The following PDE4D variants were observed in gnomAD, a reference collection of about 807,000 sequenced individuals.
The protein encoded by PDE4D is 3',5'-cyclic-AMP phosphodiesterase 4D.
In PDE4D, 24 loss-of-function variants were observed where a neutral mutation model predicts 87.4. That is an observed-to-expected ratio of 0.27 (90% CI 0.20 to 0.39). The LOEUF (loss-of-function observed/expected upper bound fraction) is 0.39. Ranked by LOEUF, PDE4D falls within the 10% of genes least tolerant of loss-of-function variation. The pLI, the probability that PDE4D is intolerant of heterozygous loss-of-function variation, is 1.00. For missense variants in PDE4D, 714 were observed against 1,041.0 expected, an observed-to-expected ratio of 0.69 and a Z score of 4.32; for synonymous variants, 384 against 383.2, an observed-to-expected ratio of 1.00 and a Z score of -0.02.
chr5:59,244,668 ATGTGTGTG>A (rs1162437569), intron 1 of PDE4D, among the ~76,000 whole-genome samples: 1 of 107,040 alleles, frequency 9.3e-6, no homozygotes, highest in East Asian at 2.9e-4. Flanking sequence ...ATATGTATGT[ATGTGTGTG>A]TGTCTGTGTG....
chr5:60,421,388 C>A (rs1394686814), intron 1 of PDE4D, among the ~76,000 whole-genome samples: 2 of 152,144 alleles, frequency 1.3e-5, no homozygotes, highest in Non-Finnish European at 2.9e-5. Context: ...ACTGGTGATA[C>A]CCAGGCAAAT....
At chr5:59,236,367 A>T (rs998491609) in intron 1 of PDE4D, among the ~76,000 whole-genome samples, 1 of 152,120 alleles carries the variant, frequency 6.6e-6, no homozygotes, top group South Asian at 2.1e-4. Flanking sequence ...AAGTAAAGAG[A>T]TTGTCCTTTT....
chr5:59,996,754 G>A lies in PDE4D; in HGVS notation c.43-8037C>T, dbSNP rs570712772. Among the ~76,000 whole-genome samples, 281 of 152,146 alleles carry A rather than the reference G, an allele frequency of 1.8e-3. 6 individuals carry two copies. Among genetic ancestry groups the A allele is most frequent in the Admixed American group, 0.017 (256 of 15,286 alleles). ...TTAATATAGAAAAGGGCATTGTATCGACTTAACACAATCAATTTTCAAATG... is the reference window on the plus strand; with the variant it reads ...TTAATATAGAAAAGGGCATTGTATCAACTTAACACAATCAATTTTCAAATG... On this transcript the variant is annotated intron_variant, in intron 2 of 16. Transcript: ENST00000502484.
chr5:60,283,556 T>C (rs972813244), intron 1 of PDE4D, among the ~76,000 whole-genome samples: 13 of 152,292 alleles, frequency 8.5e-5, no homozygotes, highest in African/African-American at 2.9e-4. Context: ...GTAACATTTT[T>C]CCCAAATATG....
At chr5:59,988,538 G>T in exon 3 of PDE4D, 1 of 1,599,348 alleles carries the variant, frequency 6.3e-7, no homozygotes, top group Non-Finnish European at 8.5e-7. Context: ...TCTTCAGGGG[G>T]AGGCTGGTTG....
chr5:59,397,187 CA>C (rs1330681202), intron 1 of PDE4D, among the ~76,000 whole-genome samples: 1 of 116,702 alleles, frequency 8.6e-6, no homozygotes, highest in African/African-American at 3.5e-5. Context: ...AGAAAGTCAA[CA>C]AGGATACCCA....
intron 2 of PDE4D, among the ~76,000 whole-genome samples, chr5:60,017,982 C>A (rs911772695): frequency 6.6e-6 from 1 of 152,036 alleles, no homozygotes; most frequent in African/African-American, 2.4e-5. Flanking sequence ...TTTTAATAAT[C>A]GCAATTCTGA....
intron 1 of PDE4D, among the ~76,000 whole-genome samples, chr5:60,465,116 A>T (rs113616265): frequency 6.6e-6 from 1 of 151,862 alleles, no homozygotes; most frequent in Non-Finnish European, 1.5e-5. Context: ...TTAAAAAAAT[A>T]AATAAATAAA....
intron 1 of PDE4D, among the ~76,000 whole-genome samples, chr5:60,512,463 T>G (rs1750620402): frequency 6.6e-6 from 1 of 152,154 alleles, no homozygotes; most frequent in Non-Finnish European, 1.5e-5. Flanking sequence ...TAAAAATACT[T>G]TATACTAAAT....
intron 5 of PDE4D, among the ~76,000 whole-genome samples, chr5:59,045,291 C>T (rs920916937): frequency 6.6e-6 from 1 of 152,140 alleles, no homozygotes; most frequent in East Asian, 1.9e-4. Flanking sequence ...TGGTGGCTCA[C>T]GCCTGTAATC....
chr5:60,269,855 G>C (rs1325528446), intron 1 of PDE4D, among the ~76,000 whole-genome samples: 1 of 152,124 alleles, frequency 6.6e-6, no homozygotes, highest in East Asian at 1.9e-4. Flanking sequence ...TCTTAATAAA[G>C]CTGGAAGCAG....
chr5:59,703,616 C>T (rs760061409), intron 1 of PDE4D: 7 of 534,430 alleles, frequency 1.3e-5, no homozygotes, highest in South Asian at 5.6e-5. Context: ...AATGTTTCTA[C>T]TTTGCACCCT....
At chr5:59,057,717 T>C (rs1762562184) in intron 5 of PDE4D, among the ~76,000 whole-genome samples, 1 of 152,190 alleles carries the variant, frequency 6.6e-6, no homozygotes, top group Non-Finnish European at 1.5e-5. Flanking sequence ...CCAGACATCC[T>C]AAATCTCTGT....
chr5:60,334,042 A>T (rs1189035034), intron 1 of PDE4D, among the ~76,000 whole-genome samples: 2 of 152,200 alleles, frequency 1.3e-5, no homozygotes, highest in East Asian at 3.8e-4. Flanking sequence ...ATCAATCAAC[A>T]CACAGCTTTG....
intron 2 of PDE4D, among the ~76,000 whole-genome samples, chr5:60,071,323 C>A (rs1012684831): frequency 4.6e-5 from 7 of 151,860 alleles, no homozygotes; most frequent in African/African-American, 7.3e-5. Context: ...ATTTCTTTAG[C>A]AAATGGGATG....
At chr5:59,908,186 G>T (rs767695710) in intron 3 of PDE4D, among the ~76,000 whole-genome samples, 1 of 151,984 alleles carries the variant, frequency 6.6e-6, no homozygotes, top group Non-Finnish European at 1.5e-5. Context: ...AACATTTCCA[G>T]TTCCTAATTT....
intron 2 of PDE4D, among the ~76,000 whole-genome samples, chr5:60,101,069 TG>T (rs1340553831): frequency 6.6e-6 from 1 of 152,062 alleles, no homozygotes; most frequent in East Asian, 1.9e-4. Flanking sequence ...ATGGAGTTTG[TG>T]GGGTTGAGAA....
chr5:59,625,993 C>G, intron 1 of PDE4D, among the ~76,000 whole-genome samples: 1 of 152,146 alleles, frequency 6.6e-6, no homozygotes, highest in East Asian at 1.9e-4. Context: ...GTGGCTGAGG[C>G]AGGAGAATGG....
chr5:59,387,529 T>A (rs570360646), intron 1 of PDE4D, among the ~76,000 whole-genome samples: 2 of 152,230 alleles, frequency 1.3e-5, no homozygotes, highest in Admixed American at 1.3e-4. Flanking sequence ...AACAGAAAAC[T>A]AATAGTTCCA....
Sources: allele counts gnomAD v4.1 joint callset (sites outside exome capture counted in the v4.1 genomes callset), GRCh38; gene constraint gnomAD v4.1.1; transcripts MANE v1.5; gene names NCBI Gene and HGNC (gene_info 2026-07-23, HGNC 2026-07-21).